The following TMEM198 variants were observed in gnomAD, a reference collection of about 807,000 sequenced individuals.
The protein encoded by TMEM198 is transmembrane protein 198.
A neutral mutation model predicts 31.5 loss-of-function variants in TMEM198; 21 were observed. The observed-to-expected ratio is 0.67, with a 90% CI of 0.47 to 0.96. The LOEUF is 0.96. Ranked by LOEUF, TMEM198 falls within the 40% of genes least tolerant of loss-of-function variation. The pLI is 0.00. For synonymous variants in TMEM198, 211 were observed against 223.3 expected (o/e 0.95, Z 0.49); for missense variants, 447 against 499.4 (o/e 0.89, Z 1.00).
intron 3 of TMEM198, among the ~76,000 whole-genome samples, chr2:219,548,413 G>A (rs1187487710): frequency 2.6e-5 from 4 of 152,214 alleles, no homozygotes; most frequent in Non-Finnish European, 5.9e-5. Flanking sequence ...AGAGTGATAT[G>A]ACAGAGACAT....
chr2:219,548,212 G>A lies in TMEM198; in HGVS notation c.742+131G>A, dbSNP rs545573102. On this transcript the variant is annotated intron_variant, in intron 3 of 4. Transcript: ENST00000373883. Reference sequence around the variant, plus strand: ...GCGGTAGAGAGCTGACTTGCTCAGGGTCTGGGAGGATAGCACCCAGGTGCC... The same window carrying A: ...GCGGTAGAGAGCTGACTTGCTCAGGATCTGGGAGGATAGCACCCAGGTGCC... 2.4e-4 allele frequency: 213 copies of A among 873,522 alleles called. 1 individual carries two copies. In the African/African-American group the frequency reaches 2.6e-3, roughly 11 times the overall value. 54.1% of individuals were successfully genotyped at this position (873,522 alleles called of 1,614,324 possible). A position where few individuals can be genotyped will look rare whatever the true frequency, so the allele number is the denominator to read the frequency against.
rs763749007 is a variant in TMEM198 at position 219,547,948 on chromosome 2, G to A, written c.609G>A (p.Glu203=). The change falls in exon 3 of 5, where the codon GAG becomes GAA. Residue 203 remains glutamate (E), a synonymous_variant. Coordinates refer to ENST00000373883, the MANE Select transcript of TMEM198 (RefSeq NM_001005209.3). Reference sequence around the variant, plus strand: ...TACTGCTGGGGCGCTACGTGGTGGAGCGACTCCGGGCTGCTCCTGTGCCCC... The same window carrying A: ...TACTGCTGGGGCGCTACGTGGTGGAACGACTCCGGGCTGCTCCTGTGCCCC... ...ELLLLGRYVV[E]RLRAAPVPPL... The A allele has an allele frequency of 1.9e-5, 31 of 1,591,196 alleles. No homozygotes were observed. The South Asian group carries it at 2.0e-4, about 10-fold the overall frequency.
At position 219,549,742 on chromosome 2, in the gene TMEM198, G is replaced by A. The variant is rs756204037; in HGVS notation, c.971G>A (p.Arg324Gln). ...SPSYIQSFRD[R>Q]QTGSSLSSFM... ...AGCTATATCCAGAGCTTCCGAGACC[G>A]GCAGACCGGGAGCTCCCTGAGCTCC... Residue 324 changes from arginine (R) to glutamine (Q), a missense_variant, in exon 5 of 5, where the codon CGG becomes CAG. Coordinates refer to ENST00000373883, the MANE Select transcript of TMEM198 (RefSeq NM_001005209.3). 8.1e-6 allele frequency: 13 copies of A among 1,613,796 alleles called. No homozygotes were observed. The South Asian group carries it at 8.8e-5, about 11-fold the overall frequency.
In TMEM198 at chr2:219,544,663, C is replaced by T. The variant is rs571659360; in HGVS notation, c.-39-26C>T. On this transcript the variant is annotated intron_variant, in intron 1 of 4. Coordinates refer to ENST00000373883, the MANE Select transcript of TMEM198 (RefSeq NM_001005209.3). ...TCCTGGTGGGGACCCAGGACTCCTCCGTGACCCCAACTTTCCCTCTGTCAG... is the reference window on the plus strand; with the variant it reads ...TCCTGGTGGGGACCCAGGACTCCTCTGTGACCCCAACTTTCCCTCTGTCAG... 1.7e-4 allele frequency: 276 copies of T among 1,587,744 alleles called. No individual in the cohort carries two copies. In the African/African-American group the frequency reaches 3.1e-3, roughly 18 times the overall value.
At chr2:219,547,081 C>T (rs540283716) in intron 2 of TMEM198, 1 of 158,862 alleles carries the variant, frequency 6.3e-6, no homozygotes, top group African/African-American at 2.4e-5. Flanking sequence ...ATTATGATTT[C>T]CAAATACCTC....
At chr2:219,549,447 T>C (rs1449418240) in intron 4 of TMEM198, 93 bp downstream of exon 4, 1 of 1,441,776 alleles carries the variant, frequency 6.9e-7, no homozygotes, top group Non-Finnish European at 9.3e-7. Context: ...CTGGTTGCTA[T>C]CTAGAAGGCC....
In TMEM198 at chr2:219,549,284, G is replaced by A. The variant is rs1447298435; in HGVS notation, c.875G>A (p.Gly292Glu). 4 of 1,613,906 alleles carry A rather than the reference G, an allele frequency of 2.5e-6. No homozygotes were observed. The highest frequency in any genetic ancestry group is 3.3e-4 in the Middle Eastern group (2 of 6,062). ...GGTCCCCGGGCTCCTCCCAGGCCTG[G>A]GCCACCAGACCCTGCTTATCGGCGC... ...LRGPRAPPRP[G>E]PPDPAYRRRP... is the part of the protein sequence containing the mutation. Residue 292 changes from glycine (G) to glutamate (E), a missense_variant, in exon 4 of 5, where the codon GGG becomes GAG. By Grantham distance (98) the Gly-to-Glu change is moderately conservative. Transcript: ENST00000373883.
chr2:219,548,892 T>A (rs941787021), intron 3 of TMEM198, among the ~76,000 whole-genome samples: 59 of 151,956 alleles, frequency 3.9e-4, no homozygotes, highest in African/African-American at 1.3e-3. Context: ...CCTAGGTGAT[T>A]GGGAGAGGGA....
In TMEM198 at chr2:219,548,026, G is replaced by T; in HGVS notation, c.687G>T (p.Leu229=). 5.0e-6 allele frequency: 8 copies of T among 1,590,350 alleles called. No homozygotes were observed. The highest frequency in any genetic ancestry group is 6.0e-6 in the Non-Finnish European group (7 of 1,172,038). ...TGGCACTCTGGCCCCTGCTCAGCCTGATGGGCGTTCTGGTGCAGTGGAGGG... is the reference window on the plus strand; with the variant it reads ...TGGCACTCTGGCCCCTGCTCAGCCTTATGGGCGTTCTGGTGCAGTGGAGGG... ...ALLALWPLLS[L]MGVLVQWRVT... is the part of the protein sequence containing the mutation. Residue 229 remains leucine, a synonymous_variant, in exon 3 of 5, where the codon CTG becomes CTT. Transcript: ENST00000373883.
chr2:219,543,781 G>T, upstream of TMEM198: 1 of 457,762 alleles, frequency 2.2e-6, no homozygotes, highest in Non-Finnish European at 3.8e-6. Context: ...AGCCTCAGCC[G>T]CGGCCGCAGC....
chr2:219,548,956 T>C (rs1320402479), intron 3 of TMEM198, 196 bp from the exon 4 acceptor site: 3 of 608,032 alleles, frequency 4.9e-6, no homozygotes, highest in South Asian at 4.1e-5. Context: ...TAAAGACCTA[T>C]GGAAGAAAAG....
chr2:219,549,129 C>T (rs1365907836), intron 3 of TMEM198, 23 bp from the exon 4 acceptor site: 1 of 1,613,512 alleles, frequency 6.2e-7, no homozygotes, highest in East Asian at 2.2e-5. Context: ...CTCTGAGCTC[C>T]TTCTCTACCC....
Position 219,544,319 on chromosome 2 carries a change from G to T in TMEM198, c.-98G>T. Reference sequence around the variant, plus strand: ...GAGCCTCTGGCGCCCCGCAACCCCGGCCCCTCGGGCCTCTGCACAGCCTCT... The same window carrying T: ...GAGCCTCTGGCGCCCCGCAACCCCGTCCCCTCGGGCCTCTGCACAGCCTCT... On this transcript the variant is annotated 5_prime_UTR_variant, in exon 1 of 5. Transcript: ENST00000373883. 1 of 473,026 alleles carries T rather than the reference G, an allele frequency of 2.1e-6. No individual in the cohort carries two copies. 29.3% of individuals were successfully genotyped at this position (473,026 alleles called of 1,614,324 possible). A position where few individuals can be genotyped will look rare whatever the true frequency, so the allele number is the denominator to read the frequency against.
Position 219,544,273 on chromosome 2 carries a change from T to C in TMEM198, c.-144T>C. 4.3e-6 allele frequency: 2 copies of C among 469,408 alleles called. No individual in the cohort carries two copies. Among genetic ancestry groups the C allele is most frequent in the Non-Finnish European group, 4.4e-6 (1 of 228,450 alleles). The allele number at this position is 469,408 out of a possible 1,614,324, so 29.1% of individuals were successfully genotyped here. On this transcript the variant is annotated 5_prime_UTR_variant, in exon 1 of 5. Coordinates refer to ENST00000373883, the MANE Select transcript of TMEM198 (RefSeq NM_001005209.3). ...GCCCCCTTCCTCGCACGACGGACTT[T>C]CCCTGGACCCCAGTCAGTTGGAGCC...
chr2:219,545,534 A>C (rs1695372713), intron 2 of TMEM198, among the ~76,000 whole-genome samples: 1 of 152,154 alleles, frequency 6.6e-6, no homozygotes, highest in Non-Finnish European at 1.5e-5. Context: ...GCTCTGACAA[A>C]CTCTGGGCCT....
chr2:219,546,351 G>C (rs1190212228), intron 2 of TMEM198, among the ~76,000 whole-genome samples: 1 of 152,086 alleles, frequency 6.6e-6, no homozygotes, highest in Admixed American at 6.5e-5. Context: ...CACAAACACT[G>C]TTTCCTTCTC....
rs2105999071 is a variant in TMEM198 at position 219,549,763 on chromosome 2, G to A, written c.992G>A (p.Ser331Asn). The A allele has an allele frequency of 6.2e-7, 1 of 1,614,140 alleles. No homozygotes were observed. Among genetic ancestry groups the A allele is most frequent in the Non-Finnish European group, 8.5e-7 (1 of 1,180,030 alleles). ...FRDRQTGSSLSSFMASPTDAD... is the reference protein window; with the variant it reads ...FRDRQTGSSLNSFMASPTDAD... ...GACCGGCAGACCGGGAGCTCCCTGA[G>A]CTCCTTCATGGCCTCACCCACAGAT... is the stretch of plus-strand genomic sequence containing the variant. The change falls in exon 5 of 5, where the codon AGC becomes AAC. Residue 331 changes from serine (S) to asparagine (N), a missense_variant. Coordinates refer to ENST00000373883, the MANE Select transcript of TMEM198 (RefSeq NM_001005209.3).
At position 219,544,822 on chromosome 2, in the gene TMEM198, G is replaced by A. The variant is rs765960749; in HGVS notation, c.95G>A (p.Arg32His). 23 of 1,614,084 alleles carry A rather than the reference G, an allele frequency of 1.4e-5. No individual in the cohort carries two copies. Among genetic ancestry groups the A allele is most frequent in the African/African-American group, 1.1e-4 (8 of 74,932 alleles). Residue 32 changes from arginine (R) to histidine (H), a missense_variant, in exon 2 of 5, where the codon CGC becomes CAC. Physicochemically the swap from Arg to His is conservative, Grantham distance 29. Coordinates refer to ENST00000373883, the MANE Select transcript of TMEM198 (RefSeq NM_001005209.3). ...GCACCTTGTGAACAGCCCCTGGAGC[G>A]CAGGTACCAGGCACTGCCGGCCCTC... ...WGAPCEQPLE[R>H]RYQALPALVC... is the part of the protein sequence containing the mutation.
Position 219,544,869 on chromosome 2 carries a change from T to C in TMEM198, c.142T>C (p.Phe48Leu), listed in dbSNP as rs890752598. The C allele has an allele frequency of 6.2e-6, 10 of 1,614,214 alleles. No homozygotes were observed. Among genetic ancestry groups the C allele is most frequent in the Non-Finnish European group, 8.5e-6 (10 of 1,180,016 alleles). Residue 48 changes from phenylalanine to leucine, a missense_variant, in exon 2 of 5, where the codon TTT becomes CTT. Physicochemically the swap from Phe to Leu is conservative, Grantham distance 22. Coordinates refer to ENST00000373883, the MANE Select transcript of TMEM198 (RefSeq NM_001005209.3). ...CCTCGTCTGCATCATGTGCTGTTTG[T>C]TTGGAGTCGTCTACTGCTTCTTCGG... is the stretch of plus-strand genomic sequence containing the variant. ...PALVCIMCCL[F>L]GVVYCFFGYR...
Sources: allele counts gnomAD v4.1 joint callset (sites outside exome capture counted in the v4.1 genomes callset), GRCh38; gene constraint gnomAD v4.1.1; transcripts MANE v1.5; gene names NCBI Gene and HGNC (gene_info 2026-07-23, HGNC 2026-07-21).